Variants in PALM2AKAP2 observed in about 807,000 individuals in gnomAD.
PALM2AKAP2 encodes PALM2-AKAP2 fusion protein.
In PALM2AKAP2, 37 loss-of-function variants were observed where a neutral mutation model predicts 71.5. That is an observed-to-expected ratio of 0.52 (90% CI 0.40 to 0.68). The LOEUF (loss-of-function observed/expected upper bound fraction) is 0.68, where lower values mean the gene tolerates loss of function less well. Among genes scored for constraint, PALM2AKAP2 ranks in the 30% least tolerant of loss-of-function variants. PALM2AKAP2 has a pLI of 0.00. For missense variants in PALM2AKAP2, 1,224 were observed against 1,191.8 expected, an observed-to-expected ratio of 1.03 and a Z score of -0.40; for synonymous variants, 468 against 478.8, an observed-to-expected ratio of 0.98 and a Z score of 0.29.
At chr9:110,170,908 A>T (rs1167692971) in exon 4 of PALM2AKAP2, 1 of 152,556 alleles carries the variant, frequency 6.6e-6, no homozygotes, top group African/African-American at 2.4e-5. Context: ...AGGAGGCAGC[A>T]GCATTGCACA....
chr9:109,702,224 A>G (rs1828071888), intron 1 of PALM2AKAP2, among the ~76,000 whole-genome samples: 1 of 152,180 alleles, frequency 6.6e-6, no homozygotes, highest in Admixed American at 6.5e-5. Flanking sequence ...CATTTGACCC[A>G]GCCATCCCAT....
intron 1 of PALM2AKAP2, among the ~76,000 whole-genome samples, chr9:109,724,850 A>G (rs1828453742): frequency 6.6e-6 from 1 of 152,242 alleles, no homozygotes; most frequent in Admixed American, 6.5e-5. Flanking sequence ...AAGCAGAGGC[A>G]TTCAAAACAT....
At chr9:109,802,097 C>T (rs1409663632) in intron 1 of PALM2AKAP2, among the ~76,000 whole-genome samples, 1 of 152,202 alleles carries the variant, frequency 6.6e-6, no homozygotes. Context: ...ATATTCTTCT[C>T]ACTGTGGGAT....
chr9:109,784,631 C>T (rs374118529), intron 1 of PALM2AKAP2, among the ~76,000 whole-genome samples: 1 of 152,234 alleles, frequency 6.6e-6, no homozygotes, highest in African/African-American at 2.4e-5. Context: ...GAGGTAGGCA[C>T]TACAGTATTA....
Position 110,154,964 on chromosome 9 carries a change from G to A in PALM2AKAP2, c.2570-1355G>A, listed in dbSNP as rs187454701. On this transcript the variant is annotated intron_variant, in intron 2 of 3. Coordinates refer to ENST00000374525, the Ensembl canonical transcript of PALM2AKAP2. ...AGGAGAATTTAAGTGATCAGCCCAC[G>A]ATTGAAATGGGAATATGAAACGATG... 1.6e-4 allele frequency among the ~76,000 whole-genome samples: 25 copies of A among 152,330 alleles called. No individual in the cohort carries two copies. The East Asian group carries it at 3.1e-3, about 19-fold the overall frequency.
chr9:109,909,905 C>T (rs569610964), intron 3 of PALM2AKAP2, among the ~76,000 whole-genome samples: 1 of 152,136 alleles, frequency 6.6e-6, no homozygotes, highest in Non-Finnish European at 1.5e-5. Flanking sequence ...TATCCATGAG[C>T]TTTAGCAGAG....
intron 1 of PALM2AKAP2, among the ~76,000 whole-genome samples, chr9:109,812,482 C>T (rs1166105913): frequency 6.6e-6 from 1 of 152,084 alleles, no homozygotes; most frequent in African/African-American, 2.4e-5. Context: ...GGGGTACTGA[C>T]CCATCCAGCG....
At chr9:109,808,175 G>A (rs1234323885) in intron 1 of PALM2AKAP2, among the ~76,000 whole-genome samples, 1 of 152,190 alleles carries the variant, frequency 6.6e-6, no homozygotes, top group East Asian at 1.9e-4. Flanking sequence ...CTTTGGAACT[G>A]GTGAACAGGG....
intron 1 of PALM2AKAP2, among the ~76,000 whole-genome samples, chr9:110,098,378 C>A (rs1283243899): frequency 6.6e-6 from 1 of 152,124 alleles, no homozygotes; most frequent in East Asian, 1.9e-4. Flanking sequence ...AACTTCCAAT[C>A]CATTCATTCA....
At chr9:110,037,363 C>T (rs1457268556) in intron 7 of PALM2AKAP2, among the ~76,000 whole-genome samples, 2 of 152,120 alleles carry the variant, frequency 1.3e-5, no homozygotes, top group Non-Finnish European at 2.9e-5. Context: ...TGCGCCACCA[C>T]GCCCAGCTAA....
chr9:109,925,879 A>G (rs1347718305), intron 5 of PALM2AKAP2, among the ~76,000 whole-genome samples: 1 of 152,098 alleles, frequency 6.6e-6, no homozygotes. Context: ...TGTTGGAAAG[A>G]CCAGATATTG....
Position 109,928,879 on chromosome 9 carries a change from C to T in PALM2AKAP2, c.395-3048C>T, listed in dbSNP as rs1331918170. Among the ~76,000 whole-genome samples, 3 of 152,206 alleles carry T rather than the reference C, an allele frequency of 2.0e-5. No homozygotes were observed. In the East Asian group the frequency reaches 5.8e-4, roughly 29 times the overall value. ...ACAGGGTTTCACCATGTTGGCCATG[C>T]TGGTCTCAAACTCCTGACCTCAAGT... On this transcript the variant is annotated intron_variant, in intron 5 of 9. Transcript: ENST00000302798.
intron 6 of PALM2AKAP2, among the ~76,000 whole-genome samples, chr9:109,987,925 T>C (rs947208839): frequency 2.6e-5 from 4 of 152,236 alleles, no homozygotes; most frequent in Admixed American, 6.5e-5. Context: ...TAGAGATTCC[T>C]CATCAGTCTC....
In PALM2AKAP2 at chr9:109,691,895, TATATATACACAC is replaced by T. The variant is rs1425734140; in HGVS notation, c.5+51031_5+51042del. On this transcript the variant is annotated intron_variant, in intron 1 of 6. Transcript: ENST00000374531. ...ACACACACACACATATATATATATA[TATATATACACAC>T]ACACATATATATATATACACATATA... Among the ~76,000 whole-genome samples, 340 of 60,898 alleles carry T rather than the reference TATATATACACAC, an allele frequency of 5.6e-3. 3 individuals are homozygous for T. Among genetic ancestry groups the T allele is most frequent in the Middle Eastern group, 0.025 (2 of 80 alleles). The allele number at this position is 60,898 out of a possible 152,430, so 40.0% of individuals were successfully genotyped here.
At chr9:109,730,406 G>A (rs1828538017) in intron 1 of PALM2AKAP2, among the ~76,000 whole-genome samples, 4 of 152,190 alleles carry the variant, frequency 2.6e-5, no homozygotes. Context: ...ATTTCTAGAA[G>A]TTGGCAGGGT....
upstream of PALM2AKAP2, among the ~76,000 whole-genome samples, chr9:110,043,714 G>GTTTTTTTTTTTTTT (rs71492869): frequency 2.0e-5 from 2 of 98,408 alleles, no homozygotes; most frequent in South Asian, 3.2e-4. Context: ...GTTTTTTTTG[G>GTTTTTTTTTTTTTT]TGTTTTTTTT....
intron 6 of PALM2AKAP2, among the ~76,000 whole-genome samples, chr9:109,939,780 G>T (rs1831316710): frequency 6.6e-6 from 1 of 152,228 alleles, no homozygotes; most frequent in Non-Finnish European, 1.5e-5. Context: ...CACAGTCATT[G>T]TGTGTGTCCA....
At chr9:109,963,349 C>A (rs1394649257) in intron 6 of PALM2AKAP2, among the ~76,000 whole-genome samples, 1 of 152,226 alleles carries the variant, frequency 6.6e-6, no homozygotes, top group African/African-American at 2.4e-5. Context: ...AGCCCATAGA[C>A]ATATTGTGTT....
chr9:109,943,165 A>T, intron 6 of PALM2AKAP2: 4 of 1,614,194 alleles, frequency 2.5e-6, no homozygotes, highest in Non-Finnish European at 3.4e-6. Context: ...TGAAGAGGAG[A>T]CGAAAAAGGT....
Sources: gnomAD v4.1 joint callset for allele counts (sites outside exome capture counted in the v4.1 genomes callset) on GRCh38, gnomAD v4.1.1 for gene constraint, MANE v1.5 for transcripts, NCBI Gene and HGNC (gene_info 2026-07-23, HGNC 2026-07-21) for gene names.